PDK3: variants seen among roughly 807,000 people sequenced by gnomAD.
The protein encoded by PDK3 is pyruvate dehydrogenase kinase, isozyme 3.
PDK3 carries 12 observed loss-of-function variants against 32.0 expected under a neutral mutation model. The observed-to-expected ratio is 0.37, with a 90% CI of 0.24 to 0.61. The LOEUF (loss-of-function observed/expected upper bound fraction) is 0.61. PDK3 is among the 20% of genes least tolerant of loss of function. The pLI, the probability that PDK3 is intolerant of heterozygous loss-of-function variation, is 0.65. For synonymous variants in PDK3, 122 were observed against 116.3 expected (o/e 1.05, Z -0.31); for missense variants, 188 against 316.9 (o/e 0.59, Z 3.09).
chrX:24,466,167 C>T (rs148025573), intron 1 of PDK3, among the ~76,000 whole-genome samples: 33 of 110,815 alleles, frequency 3.0e-4, no homozygotes, highest in African/African-American at 1.0e-3. Flanking sequence ...ACAACTCTGG[C>T]TTTAGTGCCA....
At chrX:24,531,577 A>G in intron 9 of PDK3, 80 bp from the exon 10 acceptor site, 4 of 530,725 alleles carry the variant, frequency 7.5e-6, no homozygotes, top group Non-Finnish European at 9.8e-6. Flanking sequence ...AATTTATTTT[A>G]ACCTTCTCTG....
intron 1 of PDK3, among the ~76,000 whole-genome samples, chrX:24,474,383 T>TTTA (rs1555945126): frequency 1.0e-4 from 10 of 96,804 alleles, no homozygotes; most frequent in African/African-American, 3.8e-4. Flanking sequence ...TATAAGTTTA[T>TTTA]TTTATTTATT....
At chrX:24,501,490 G>A (rs1602113667) in intron 3 of PDK3, among the ~76,000 whole-genome samples, 1 of 112,833 alleles carries the variant, frequency 8.9e-6, no homozygotes, top group African/African-American at 3.2e-5. Flanking sequence ...AAGGCGGGCG[G>A]ATCACCTGAG....
chrX:24,485,371 A>G (rs966935458), intron 1 of PDK3, among the ~76,000 whole-genome samples: 3 of 111,833 alleles, frequency 2.7e-5, no homozygotes, highest in African/African-American at 9.8e-5. Flanking sequence ...AAAAAAATAA[A>G]TAAATAAATT....
intron 5 of PDK3, among the ~76,000 whole-genome samples, chrX:24,511,378 G>A (rs934948464): frequency 1.8e-5 from 2 of 111,857 alleles, no homozygotes; most frequent in African/African-American, 6.5e-5. Context: ...TTTGTTTTAA[G>A]CAGTTGGATG....
chrX:24,527,437 A>G, intron 7 of PDK3, 137 bp from the exon 8 acceptor site: 1 of 421,720 alleles, frequency 2.4e-6, no homozygotes, highest in Non-Finnish European at 4.0e-6. Flanking sequence ...TTTAGAGGGA[A>G]AAATGCCATA....
At chrX:24,531,836 A>C in intron 10 of PDK3, 66 bp downstream of exon 10, 1 of 567,528 alleles carries the variant, frequency 1.8e-6, no homozygotes, top group Non-Finnish European at 3.1e-6. Context: ...CTAATCGCTG[A>C]TTGAGAACAG....
At chrX:24,485,645 G>A (rs186961798) in intron 1 of PDK3, among the ~76,000 whole-genome samples, 6 of 112,104 alleles carry the variant, frequency 5.4e-5, no homozygotes, top group Admixed American at 3.8e-4. Context: ...TTAACAGCAG[G>A]CAGTTATCCC....
chrX:24,475,936 G>A (rs893440235), intron 1 of PDK3, among the ~76,000 whole-genome samples: 1 of 111,349 alleles, frequency 9.0e-6, no homozygotes, highest in African/African-American at 3.3e-5. Flanking sequence ...TTGATGGTTG[G>A]GTGGTTTCCT....
chrX:24,501,883 ATAAT>A (rs762099715), intron 3 of PDK3, among the ~76,000 whole-genome samples: 99 of 112,548 alleles, frequency 8.8e-4, no homozygotes, highest in African/African-American at 3.1e-3. Context: ...TACGTGGAGA[ATAAT>A]AAGTATCACA....
intron 1 of PDK3, among the ~76,000 whole-genome samples, chrX:24,473,524 C>T (rs1376842822): frequency 9.1e-6 from 1 of 109,440 alleles, no homozygotes; most frequent in Non-Finnish European, 1.9e-5. Flanking sequence ...GCAACCTCTG[C>T]CTCCCGGGTT....
At chrX:24,522,971 G>A (rs917644227) in intron 6 of PDK3, among the ~76,000 whole-genome samples, 3 of 111,164 alleles carry the variant, frequency 2.7e-5, no homozygotes, top group Admixed American at 9.5e-5. Flanking sequence ...CCAAAGAAAA[G>A]CAGCAAAGGA....
intron 1 of PDK3, among the ~76,000 whole-genome samples, chrX:24,474,763 A>AACC (rs1234419894): frequency 8.1e-5 from 9 of 111,240 alleles, no homozygotes; most frequent in Non-Finnish European, 1.5e-4. Context: ...CATCTCTCAA[A>AACC]ACCACCAGAA....
At chrX:24,541,164 G>C (rs1922887746) in exon 12 of PDK3, among the ~76,000 whole-genome samples, 1 of 108,709 alleles carries the variant, frequency 9.2e-6, no homozygotes, top group Admixed American at 9.9e-5. Flanking sequence ...ACCCACCTCA[G>C]CCTCCCATAG....
At chrX:24,524,843 A>G (rs1439510297) in intron 6 of PDK3, among the ~76,000 whole-genome samples, 3 of 111,992 alleles carry the variant, frequency 2.7e-5, no homozygotes, top group Non-Finnish European at 3.8e-5. Flanking sequence ...CCGTTTACAT[A>G]TATTACTAAG....
intron 2 of PDK3, among the ~76,000 whole-genome samples, chrX:24,496,670 G>A (rs1342840465): frequency 2.1e-5 from 2 of 96,192 alleles, no homozygotes; most frequent in Non-Finnish European, 4.1e-5. Context: ...TTTTAAAAGC[G>A]AATCTTATGC....
chrX:24,521,601 A>G (rs1020750596), intron 6 of PDK3, among the ~76,000 whole-genome samples: 1 of 111,391 alleles, frequency 9.0e-6, no homozygotes, highest in Non-Finnish European at 1.9e-5. Flanking sequence ...ATCTGCAGGT[A>G]GTAACAAATT....
Position 24,471,761 on chromosome X carries a change from C to G in PDK3, c.106+6200C>G, listed in dbSNP as rs1164657173. ...GTGTTATGTTTGATGCTTATTAACT[C>G]ACATCCTCATTGTGAGATATACCCA... On this transcript the variant is annotated intron_variant, in intron 1 of 10. Coordinates refer to ENST00000379162, the MANE Select transcript of PDK3 (RefSeq NM_005391.5). 3.6e-5 allele frequency among the ~76,000 whole-genome samples: 4 copies of G among 112,128 alleles called. No individual in the cohort carries two copies. In the Admixed American group the frequency reaches 3.8e-4, roughly 11 times the overall value.
chrX:24,508,390 G>T (rs902645102), intron 5 of PDK3, among the ~76,000 whole-genome samples: 5 of 111,677 alleles, frequency 4.5e-5, no homozygotes, highest in Admixed American at 1.9e-4. Context: ...GAGCCAAACC[G>T]TATCAATGAA....
Sources: allele counts gnomAD v4.1 joint callset (sites outside exome capture counted in the v4.1 genomes callset), GRCh38; gene constraint gnomAD v4.1.1; transcripts MANE v1.5; gene names NCBI Gene and HGNC (gene_info 2026-07-23, HGNC 2026-07-21).